Variants in SPAST observed in about 807,000 individuals in gnomAD.
SPAST encodes spastin, also known as spastic paraplegia 4 (autosomal dominant; spastin).
A neutral mutation model predicts 76.6 loss-of-function variants in SPAST; 30 were observed. The observed-to-expected ratio is 0.39, with a 90% CI of 0.29 to 0.53. SPAST has a LOEUF of 0.53. SPAST is among the 20% of genes least tolerant of loss of function. SPAST has a pLI of 0.68. For synonymous variants in SPAST, 305 were observed against 281.0 expected (o/e 1.09, Z -0.86); for missense variants, 717 against 770.5 (o/e 0.93, Z 0.82).
At position 32,128,539 on chromosome 2, in the gene SPAST, T is replaced by C. The variant is rs1432455165; in HGVS notation, c.1245+60T>C. On this transcript the variant is annotated intron_variant, in intron 9 of 16. Coordinates refer to ENST00000315285, the MANE Select transcript of SPAST (RefSeq NM_014946.4). ...AGTTACTGTCTAAATGTTACTGTGT[T>C]AACTGTAAATGGTAATATTTCATGA... 45 of 1,042,440 alleles carry C rather than the reference T, an allele frequency of 4.3e-5. 1 individual carries two copies. Among genetic ancestry groups the C allele is most frequent in the Non-Finnish European group, 2.6e-5 (17 of 661,860 alleles). 64.6% of individuals were successfully genotyped at this position (1,042,440 alleles called of 1,614,324 possible). A position where few individuals can be genotyped will look rare whatever the true frequency, so the allele number is the denominator to read the frequency against.
At chr2:32,102,583 T>G (rs1678167238) in intron 4 of SPAST, among the ~76,000 whole-genome samples, 1 of 152,364 alleles carries the variant, frequency 6.6e-6, no homozygotes, top group African/African-American at 2.4e-5. Context: ...TTTTGCCCAT[T>G]CAGTATGATA....
chr2:32,132,729 C>T (rs890950265), intron 9 of SPAST, among the ~76,000 whole-genome samples: 4 of 152,098 alleles, frequency 2.6e-5, no homozygotes, highest in African/African-American at 9.7e-5. Context: ...AAGCATTGTG[C>T]CAGGCGCAGT....
chr2:32,147,307 A>G (rs1679920378), intron 16 of SPAST, 49 bp downstream of exon 16: 1 of 1,180,130 alleles, frequency 8.5e-7, no homozygotes, highest in Admixed American at 1.7e-5. Flanking sequence ...ATTGTAAGAC[A>G]TATATAAGAC....
At chr2:32,133,200 A>C (rs1679428460) in intron 9 of SPAST, among the ~76,000 whole-genome samples, 1 of 152,236 alleles carries the variant, frequency 6.6e-6, no homozygotes, top group African/African-American at 2.4e-5. Flanking sequence ...AATCAGTTAC[A>C]TATGTATCTT....
chr2:32,145,908 A>G (rs1292096798), intron 15 of SPAST, among the ~76,000 whole-genome samples: 1 of 152,214 alleles, frequency 6.6e-6, no homozygotes, highest in Non-Finnish European at 1.5e-5. Flanking sequence ...AAGAAAGTAC[A>G]ATTGAATGTA....
chr2:32,087,775 A>G (rs964064160), intron 2 of SPAST, among the ~76,000 whole-genome samples, 197 bp downstream of exon 2: 2 of 142,848 alleles, frequency 1.4e-5, no homozygotes, highest in South Asian at 2.2e-4. Flanking sequence ...AGCTCACTGC[A>G]ACCTCAAACT....
intron 13 of SPAST, among the ~76,000 whole-genome samples, chr2:32,143,004 G>A (rs1432484930): frequency 6.6e-6 from 1 of 152,070 alleles, no homozygotes; most frequent in East Asian, 1.9e-4. Context: ...GGTGTCTCAC[G>A]CCTATAATCC....
intron 9 of SPAST, among the ~76,000 whole-genome samples, chr2:32,132,857 T>C (rs1679416531): frequency 6.6e-6 from 1 of 152,042 alleles, no homozygotes; most frequent in Non-Finnish European, 1.5e-5. Flanking sequence ...AAATCTCTAC[T>C]AAATACTAAA....
At chr2:32,064,985 G>A (rs1676451346) in intron 1 of SPAST, among the ~76,000 whole-genome samples, 2 of 151,820 alleles carry the variant, frequency 1.3e-5, no homozygotes, top group Admixed American at 1.3e-4. Flanking sequence ...CTGAATGAAA[G>A]CAAGGATACT....
intron 8 of SPAST, 52 bp downstream of exon 8, chr2:32,127,074 T>G (rs1679219927): frequency 1.6e-6 from 2 of 1,228,296 alleles, no homozygotes; most frequent in African/African-American, 3.0e-5. Context: ...TGGGATAATA[T>G]GAAAAAAAGA....
chr2:32,143,564 T>G (rs1226313753), intron 14 of SPAST, 149 bp downstream of exon 14: 8 of 632,468 alleles, frequency 1.3e-5, no homozygotes, highest in Admixed American at 8.2e-5. Flanking sequence ...CTTTGCCTTT[T>G]TCTTACCTCT....
chr2:32,134,277 C>A (rs562220350), intron 9 of SPAST, among the ~76,000 whole-genome samples: 1 of 151,910 alleles, frequency 6.6e-6, no homozygotes, highest in African/African-American at 2.4e-5. Flanking sequence ...CCGAGGCAGG[C>A]GAATCACAAG....
intron 4 of SPAST, among the ~76,000 whole-genome samples, chr2:32,109,817 CAT>C (rs956908329): frequency 3.4e-5 from 5 of 148,586 alleles, no homozygotes; most frequent in East Asian, 2.0e-4. Context: ...TACACACATA[CAT>C]ATATAGTTAC....
At chr2:32,151,903 C>G (rs1230677021) in intron 16 of SPAST, among the ~76,000 whole-genome samples, 1 of 148,700 alleles carries the variant, frequency 6.7e-6, no homozygotes, top group Non-Finnish European at 1.5e-5. Context: ...AGGAGCGAGA[C>G]TCCATCTCCA....
chr2:32,063,829 T>G lies in SPAST; in HGVS notation c.-3T>G. The G allele has an allele frequency of 6.4e-7, 1 of 1,569,212 alleles. No individual in the cohort carries two copies. On this transcript the variant is annotated 5_prime_UTR_variant, in exon 1 of 17. Transcript: ENST00000315285. ...ATGGCGGCGGCGGCAGTGAGAGCTG[T>G]GAATGAATTCTCCGGGTGGACGAGG...
At chr2:32,080,454 A>G (rs1318794357) in intron 1 of SPAST, among the ~76,000 whole-genome samples, 1 of 152,218 alleles carries the variant, frequency 6.6e-6, no homozygotes, top group East Asian at 1.9e-4. Flanking sequence ...CTATTGGCTA[A>G]TAATTTAAAC....
intron 1 of SPAST, among the ~76,000 whole-genome samples, chr2:32,075,893 GCT>G (rs1558614633): frequency 2.9e-5 from 2 of 70,024 alleles, no homozygotes; most frequent in African/African-American, 5.9e-5. Flanking sequence ...AATTCAAAAT[GCT>G]CTTTTTTTTT....
intron 16 of SPAST, among the ~76,000 whole-genome samples, chr2:32,147,520 T>G (rs1009904278): frequency 6.6e-6 from 1 of 152,036 alleles, no homozygotes; most frequent in Non-Finnish European, 1.5e-5. Flanking sequence ...TTTCACCATG[T>G]TGGCCAGTCT....
At chr2:32,132,539 T>C (rs1361112666) in intron 9 of SPAST, among the ~76,000 whole-genome samples, 4 of 152,216 alleles carry the variant, frequency 2.6e-5, no homozygotes, top group Non-Finnish European at 5.9e-5. Flanking sequence ...CTTTTTTTTT[T>C]TTTATGAGAC....
Sources: allele counts gnomAD v4.1 joint callset (sites outside exome capture counted in the v4.1 genomes callset), GRCh38; gene constraint gnomAD v4.1.1; transcripts MANE v1.5; gene names NCBI Gene and HGNC (gene_info 2026-07-23, HGNC 2026-07-21).